Variants in ABCA10 observed in about 807,000 individuals in gnomAD.
ABCA10 encodes the protein ATP binding cassette subfamily A member 10.
ABCA10 carries 169 observed loss-of-function variants against 187.5 expected under a neutral mutation model. The observed-to-expected ratio is 0.90, with a 90% CI of 0.80 to 1.02. The LOEUF is 1.02. ABCA10 is among the 50% of genes least tolerant of loss of function. The pLI, the probability that ABCA10 is intolerant of heterozygous loss-of-function variation, is 0.00. For synonymous variants in ABCA10, 574 were observed against 601.8 expected, an observed-to-expected ratio of 0.95 and a Z score of 0.68; for missense variants, 1,727 against 1,812.4, an observed-to-expected ratio of 0.95 and a Z score of 0.86.
intron 20 of ABCA10, 115 bp downstream of exon 20, chr17:69,185,361 GA>G: frequency 2.9e-6 from 3 of 1,036,484 alleles, no homozygotes; most frequent in South Asian, 3.3e-5. Context: ...TCCTTCATTT[GA>G]AAATGGAGCA....
rs138272934 is a variant in ABCA10 at position 69,226,903 on chromosome 17, G to T, written c.-172+242C>A. Among the ~76,000 whole-genome samples, 88 of 151,848 alleles carry T rather than the reference G, an allele frequency of 5.8e-4. 1 individual carries two copies. The East Asian group carries it at 0.015, about 27-fold the overall frequency. Reference sequence around the variant, plus strand: ...AAATGGCTGGTTCTATTCTGCAAAAGATTATTTTTCAGGAGCTGTCAGATG... The same window carrying T: ...AAATGGCTGGTTCTATTCTGCAAAATATTATTTTTCAGGAGCTGTCAGATG... On this transcript the variant is annotated intron_variant, in intron 2 of 38. Transcript: ENST00000690296.
At chr17:69,223,604 GTTTAT>G (rs1359871725) in intron 3 of ABCA10, 18 of 395,816 alleles carry the variant, frequency 4.5e-5, no homozygotes, top group Non-Finnish European at 8.7e-5. Flanking sequence ...TGAAAAAGCT[GTTTAT>G]TTTATGCTGT....
At chr17:69,229,124 A>T (rs2074814510), upstream of ABCA10, among the ~76,000 whole-genome samples, 1 of 152,082 alleles carries the variant, frequency 6.6e-6, no homozygotes. Flanking sequence ...GGTTCCTTGT[A>T]TTCACTAATT....
chr17:69,174,264 C>A lies in ABCA10; in HGVS notation c.3162+17G>T. On this transcript the variant is annotated intron_variant, in intron 25 of 38. Transcript: ENST00000690296. ...AGGAAATTTAATATAAATGTGCACG[C>A]ATGTATATATACTTACAATAAAAAA... 1 of 1,508,460 alleles carries A rather than the reference C, an allele frequency of 6.6e-7. No homozygotes were observed. Among genetic ancestry groups the A allele is most frequent in the Non-Finnish European group, 9.0e-7 (1 of 1,107,716 alleles). The allele number at this position is 1,508,460 out of a possible 1,614,324, so 93.4% of individuals were successfully genotyped here.
intron 22 of ABCA10, among the ~76,000 whole-genome samples, chr17:69,179,262 G>A (rs912286653): frequency 2.6e-5 from 4 of 152,002 alleles, no homozygotes; most frequent in Non-Finnish European, 4.4e-5. Flanking sequence ...AGAACCCCAT[G>A]TAAGAGACCT....
Position 69,194,379 on chromosome 17 carries a change from T to C in ABCA10, c.1345+6A>G, listed in dbSNP as rs1471678357. 6.2e-7 allele frequency: 1 copy of C among 1,601,354 alleles called. No homozygotes were observed. The highest frequency in any genetic ancestry group is 8.5e-7 in the Non-Finnish European group (1 of 1,171,564). ...GCCAACTTACTTTATAAAACTGTTT[T>C]CTCACCTTCTGTAGAAACAGACAAT... On this transcript the variant is annotated splice_donor_region_variant and intron_variant, in intron 12 of 38. Coordinates refer to ENST00000690296, the MANE Select transcript of ABCA10 (RefSeq NM_001377321.1).
intron 25 of ABCA10, among the ~76,000 whole-genome samples, chr17:69,167,214 G>A (rs527953456): frequency 8.5e-5 from 13 of 152,188 alleles, no homozygotes; most frequent in African/African-American, 2.6e-4. Context: ...GCAACAAAGC[G>A]GTCTGCTTGC....
At chr17:69,223,794 G>A (rs1026613152) in intron 3 of ABCA10, 8 of 322,624 alleles carry the variant, frequency 2.5e-5, no homozygotes, top group Non-Finnish European at 4.9e-5. Context: ...GAATAAGACA[G>A]TGAGAGAGGA....
intron 28 of ABCA10, 112 bp from the exon 29 acceptor site, chr17:69,156,037 A>T: frequency 8.2e-7 from 1 of 1,214,394 alleles, no homozygotes; most frequent in Non-Finnish European, 1.1e-6. Flanking sequence ...CTATCACATC[A>T]TTAATTTATT....
chr17:69,210,194 TTTTTTTG>T (rs2074629732), intron 9 of ABCA10, among the ~76,000 whole-genome samples: 1 of 115,124 alleles, frequency 8.7e-6, no homozygotes, highest in African/African-American at 4.0e-5. Context: ...TTTTTTTTTT[TTTTTTTG>T]AGACGGAGTC....
At chr17:69,244,820 T>G (rs1257227720) in exon 1 of ABCA10, 2 of 151,050 alleles carry the variant, frequency 1.3e-5, no homozygotes, top group Non-Finnish European at 3.0e-5. Flanking sequence ...TTAATTGTGC[T>G]CCTATAAAAC....
At chr17:69,217,558 C>T (rs1004323578) in intron 6 of ABCA10, among the ~76,000 whole-genome samples, 5 of 152,150 alleles carry the variant, frequency 3.3e-5, no homozygotes, top group African/African-American at 9.7e-5. Flanking sequence ...TACATCCATG[C>T]CATGGAATAG....
chr17:69,186,590 C>T (rs2074423607), intron 19 of ABCA10, among the ~76,000 whole-genome samples: 2 of 152,174 alleles, frequency 1.3e-5, no homozygotes, highest in South Asian at 2.1e-4. Flanking sequence ...TACTTTCAGA[C>T]CTTCTCTTGC....
chr17:69,154,384 G>T, intron 30 of ABCA10, 58 bp from the exon 31 acceptor site: 5 of 1,245,102 alleles, frequency 4.0e-6, no homozygotes, highest in Admixed American at 2.3e-5. Flanking sequence ...ATCTAAAATT[G>T]CTTGGTTGGT....
intron 5 of ABCA10, among the ~76,000 whole-genome samples, chr17:69,220,066 C>T (rs373941878): frequency 2.0e-5 from 3 of 152,070 alleles, no homozygotes; most frequent in Admixed American, 1.3e-4. Context: ...CATTTTGTAG[C>T]GCAGCAGAAG....
In ABCA10 at chr17:69,174,290, G is replaced by T; in HGVS notation, c.3153C>A (p.Gly1051=). The T allele has an allele frequency of 8.2e-6, 13 of 1,593,392 alleles. No homozygotes were observed. Among genetic ancestry groups the T allele is most frequent in the Non-Finnish European group, 1.1e-5 (13 of 1,171,168 alleles). The part of the protein sequence containing the change: ...WRKNNGFWSF[G]FFIILICVST... ...ATGTATATATACTTACAATAAAAAA[G>T]CCAAAAGACCAAAAGCCATTATTTT... Residue 1051 remains glycine (G), a synonymous_variant, in exon 25 of 39, where the codon GGC becomes GGA. Transcript: ENST00000690296.
At chr17:69,154,085 G>A (rs1321603483) in intron 31 of ABCA10, 76 bp from the exon 32 acceptor site, 1 of 1,530,084 alleles carries the variant, frequency 6.5e-7, no homozygotes, top group African/African-American at 1.4e-5. Flanking sequence ...AGATAAAAGT[G>A]GCCATTAAGC....
chr17:69,153,535 G>A lies in ABCA10; in HGVS notation c.3977C>T (p.Ala1326Val). The A allele has an allele frequency of 1.1e-5, 18 of 1,614,138 alleles. No individual in the cohort carries two copies. The highest frequency in any genetic ancestry group is 1.5e-5 in the Non-Finnish European group (18 of 1,180,022). ...AALSISRLVE[A>V]LKLQEQLKAP... ...CTTAAGTTGTTCCTGGAGCTTAAGA[G>A]CTTCCACCAATCTGACAAAAAACAG... Residue 1326 changes from alanine to valine, a missense_variant, in exon 33 of 39, where the codon GCT becomes GTT. Transcript: ENST00000690296.
intron 6 of ABCA10, among the ~76,000 whole-genome samples, chr17:69,217,308 T>C (rs780105497): frequency 2.4e-4 from 37 of 151,998 alleles, no homozygotes; most frequent in Non-Finnish European, 4.6e-4. Flanking sequence ...TGATTGAATG[T>C]CGGAGTAGCC....
Sources: gnomAD v4.1 joint callset for allele counts (sites outside exome capture counted in the v4.1 genomes callset) on GRCh38, gnomAD v4.1.1 for gene constraint, MANE v1.5 for transcripts, NCBI Gene and HGNC (gene_info 2026-07-23, HGNC 2026-07-21) for gene names.